ASXL1: variants seen among roughly 807,000 people sequenced by gnomAD.
The protein encoded by ASXL1 is ASXL transcriptional regulator 1.
A neutral mutation model predicts 89.1 loss-of-function variants in ASXL1; 65 were observed. The observed-to-expected ratio is 0.73, with a 90% confidence interval of 0.60 to 0.90. ASXL1 has a LOEUF of 0.90. ASXL1 is among the 40% of genes least tolerant of loss of function. The pLI is 0.00. For synonymous variants in ASXL1, 739 were observed against 746.9 expected (o/e 0.99, Z 0.17); for missense variants, 1,786 against 1,942.9 (o/e 0.92, Z 1.52).
intron 1 of ASXL1, among the ~76,000 whole-genome samples, chr20:32,363,262 T>TAA (rs11482132): frequency 1.9e-4 from 29 of 150,650 alleles, no homozygotes; most frequent in South Asian, 6.3e-4. Flanking sequence ...TCATGCTTCT[T>TAA]AAAAAAAAAA....
Position 32,433,052 on chromosome 20 carries a change from A to G in ASXL1, c.1085+67A>G. ...GGGGATAGAGGTAGATGGTCTCAAAATAGCATATACTTATGTGTTGGACAA... is the reference window on the plus strand; with the variant it reads ...GGGGATAGAGGTAGATGGTCTCAAAGTAGCATATACTTATGTGTTGGACAA... On this transcript the variant is annotated intron_variant, in intron 11 of 12. Coordinates refer to ENST00000375687, the MANE Select transcript of ASXL1 (RefSeq NM_015338.6). 4.4e-6 allele frequency: 7 copies of G among 1,596,546 alleles called. 1 individual carries two copies. The highest frequency in any genetic ancestry group is 4.5e-5 in the East Asian group (2 of 44,184).
intron 4 of ASXL1, among the ~76,000 whole-genome samples, chr20:32,424,230 A>T (rs1315236720): frequency 6.6e-6 from 1 of 152,168 alleles, no homozygotes. Context: ...AATATAAAGC[A>T]CTTACTAAAA....
intron 1 of ASXL1, 40 bp downstream of exon 1, chr20:32,358,872 G>T: frequency 6.8e-7 from 1 of 1,471,602 alleles, no homozygotes; most frequent in Non-Finnish European, 9.0e-7. Context: ...GGGGCCCGGG[G>T]TGGGGGGGGC....
intron 8 of ASXL1, chr20:32,430,749 C>G (rs1407536413): frequency 1.6e-5 from 4 of 256,064 alleles, no homozygotes; most frequent in Non-Finnish European, 2.3e-5. Context: ...TCCAGCTCAT[C>G]AGCAGTGCTC....
At position 32,435,310 on chromosome 20, in the gene ASXL1, A is replaced by G; in HGVS notation, c.2598A>G (p.Leu866=). The change falls in exon 13 of 13, where the codon TTA becomes TTG. Residue 866 remains leucine, a synonymous_variant. Coordinates refer to ENST00000375687, the MANE Select transcript of ASXL1 (RefSeq NM_015338.6). The part of the protein sequence containing the change: ...CLQNRAFDDE[L]GLGGSCPPMR... ...AGAACAGAGCATTTGATGACGAATTAGGGCTTGGTGGCTCATGCCCTCCTA... is the reference window on the plus strand; with the variant it reads ...AGAACAGAGCATTTGATGACGAATTGGGGCTTGGTGGCTCATGCCCTCCTA... 2 of 1,614,216 alleles carry G rather than the reference A, an allele frequency of 1.2e-6. No individual in the cohort carries two copies. The highest frequency in any genetic ancestry group is 1.7e-6 in the Non-Finnish European group (2 of 1,180,038).
At chr20:32,359,951 T>G (rs965523720) in intron 1 of ASXL1, 1 of 663,768 alleles carries the variant, frequency 1.5e-6, no homozygotes, top group Non-Finnish European at 2.8e-6. Flanking sequence ...CATAAGTGTC[T>G]CTTGACACTG....
chr20:32,367,309 G>A (rs1023477642), intron 2 of ASXL1, among the ~76,000 whole-genome samples: 3 of 152,206 alleles, frequency 2.0e-5, no homozygotes, highest in African/African-American at 4.8e-5. Context: ...GAACTCAGGA[G>A]ACGGAGGTTG....
chr20:32,362,901 C>T (rs1230016599), intron 1 of ASXL1, among the ~76,000 whole-genome samples: 1 of 152,140 alleles, frequency 6.6e-6, no homozygotes, highest in African/African-American at 2.4e-5. Flanking sequence ...GGGGATTTCC[C>T]TTTAAATCGA....
intron 2 of ASXL1, among the ~76,000 whole-genome samples, chr20:32,367,403 CAAAG>C (rs869128688): frequency 6.6e-6 from 1 of 152,116 alleles, no homozygotes; most frequent in Non-Finnish European, 1.5e-5. Flanking sequence ...AAACAAAAAA[CAAAG>C]AAAGTACTTA....
intron 4 of ASXL1, among the ~76,000 whole-genome samples, chr20:32,418,171 CTG>C (rs889310711): frequency 3.4e-5 from 5 of 147,090 alleles, no homozygotes; most frequent in African/African-American, 1.3e-4. Flanking sequence ...GAGCAAGACT[CTG>C]TATCAAAAAA....
At position 32,434,587 on chromosome 20, in the gene ASXL1, A is replaced by G. The variant is rs2145358061; in HGVS notation, c.1875A>G (p.Arg625=). The G allele has an allele frequency of 1.9e-6, 3 of 1,613,026 alleles. No homozygotes were observed. Among genetic ancestry groups the G allele is most frequent in the Non-Finnish European group, 2.5e-6 (3 of 1,179,896 alleles). ...TTAAAGCCCGTGCTCTGCAGGTCCG[A>G]GGGGCGAGAGGTCACCACTGCCATA... ...ADIKARALQV[R]GARGHHCHRE... Residue 625 remains arginine, a synonymous_variant, in exon 13 of 13, where the codon CGA becomes CGG. Transcript: ENST00000375687.
intron 4 of ASXL1, among the ~76,000 whole-genome samples, chr20:32,379,701 C>T (rs889234861): frequency 2.6e-5 from 4 of 151,550 alleles, no homozygotes; most frequent in African/African-American, 9.7e-5. Context: ...AGGCGGGCAC[C>T]TGTAATCCCA....
rs1048237282 is a variant in ASXL1, at chr20:32,376,833, A to C, written c.252+7710A>C. On this transcript the variant is annotated intron_variant, in intron 4 of 12. Coordinates refer to ENST00000375687, the MANE Select transcript of ASXL1 (RefSeq NM_015338.6). ...ATGTATTTTATATATTATATATTAT[A>C]TAAATATCATGATAGATATATAATA... 2.5e-4 allele frequency among the ~76,000 whole-genome samples: 33 copies of C among 133,986 alleles called. 1 individual carries two copies. The highest frequency in any genetic ancestry group is 5.2e-4 in the Non-Finnish European group (32 of 61,984). The allele number at this position is 133,986 out of a possible 152,430, so 87.9% of individuals were successfully genotyped here. A position where few individuals can be genotyped will look rare whatever the true frequency, so the allele number is the denominator to read the frequency against.
chr20:32,424,219 G>T (rs1354070748), intron 4 of ASXL1, among the ~76,000 whole-genome samples: 3 of 152,090 alleles, frequency 2.0e-5, no homozygotes, highest in African/African-American at 7.2e-5. Context: ...CAATTGAAAA[G>T]AATATAAAGC....
At position 32,429,571 on chromosome 20, in the gene ASXL1, G is replaced by GC; in HGVS notation, c.565+142dup. On this transcript the variant is annotated intron_variant, in intron 7 of 12. Transcript: ENST00000375687. This position sits in a 1 kb window ranked among gnomAD's most constrained non-coding sequence, Gnocchi z 4.9. Reference sequence around the variant, plus strand: ...GGCAAGAGCCCTGCCAATGGATGAGGCCTGCCATAGGTTCTAGTGCTGGGC... The same window carrying GC: ...GGCAAGAGCCCTGCCAATGGATGAGGCCCTGCCATAGGTTCTAGTGCTGGGC... The GC allele has an allele frequency of 6.6e-6, 6 of 908,936 alleles. No individual in the cohort carries two copies. Among genetic ancestry groups the GC allele is most frequent in the Non-Finnish European group, 1.1e-5 (6 of 566,392 alleles). 56.3% of individuals were successfully genotyped at this position (908,936 alleles called of 1,614,324 possible).
intron 2 of ASXL1, 90 bp downstream of exon 2, chr20:32,366,556 A>C: frequency 1.2e-6 from 2 of 1,603,728 alleles, no homozygotes; most frequent in Non-Finnish European, 1.7e-6. Flanking sequence ...ACACCTGTGT[A>C]TGTATTTGTG....
rs925292311 is a variant in ASXL1 at position 32,438,063 on chromosome 20, C to T, written c.*725C>T. The T allele has an allele frequency of 1.3e-4, 30 of 233,456 alleles. No individual in the cohort carries two copies. Among genetic ancestry groups the T allele is most frequent in the African/African-American group, 5.5e-4 (25 of 45,312 alleles). 14.5% of individuals were successfully genotyped at this position (233,456 alleles called of 1,614,324 possible). A position where few individuals can be genotyped will look rare whatever the true frequency, so the allele number is the denominator to read the frequency against. On this transcript the variant is annotated 3_prime_UTR_variant, in exon 13 of 13. Coordinates refer to ENST00000375687, the MANE Select transcript of ASXL1 (RefSeq NM_015338.6). ...CCATCTGTAGACCTTGTGAGTCAGC[C>T]GTCCAGATGTTTGCAGGTGAATTCC...
Position 32,437,581 on chromosome 20 carries a change from A to G in ASXL1, c.*243A>G. The G allele has an allele frequency of 1.7e-6, 1 of 579,202 alleles. No homozygotes were observed. Among genetic ancestry groups the G allele is most frequent in the South Asian group, 2.0e-5 (1 of 49,508 alleles). The allele number at this position is 579,202 out of a possible 1,614,324, so 35.9% of individuals were successfully genotyped here. A position where few individuals can be genotyped will look rare whatever the true frequency, so the allele number is the denominator to read the frequency against. On this transcript the variant is annotated 3_prime_UTR_variant, in exon 13 of 13. Coordinates refer to ENST00000375687, the MANE Select transcript of ASXL1 (RefSeq NM_015338.6). ...GGCCAGCCAGCCTGAGCTCTCCTGCAAGACAGAGCCTGATGTGGCACGGAG... is the reference window on the plus strand; with the variant it reads ...GGCCAGCCAGCCTGAGCTCTCCTGCGAGACAGAGCCTGATGTGGCACGGAG...
intron 4 of ASXL1, among the ~76,000 whole-genome samples, chr20:32,392,830 G>C (rs764835874): frequency 4.6e-5 from 7 of 152,178 alleles, no homozygotes; most frequent in Non-Finnish European, 8.8e-5. Flanking sequence ...TGTGGTAAGA[G>C]AACATACCTT....
Sources: gnomAD v4.1 joint callset for allele counts (sites outside exome capture counted in the v4.1 genomes callset) on GRCh38, gnomAD v4.1.1 for gene constraint, Gnocchi (gnomAD v3.1) non-coding constraint, MANE v1.5 for transcripts, NCBI Gene and HGNC (gene_info 2026-07-23, HGNC 2026-07-21) for gene names.